Variants in RIN2 observed in about 807,000 individuals in gnomAD.
RIN2 encodes the protein RAB5 interacting protein 2.
A neutral mutation model predicts 78.0 loss-of-function variants in RIN2; 36 were observed. That is an observed-to-expected ratio of 0.46 (90% CI 0.35 to 0.61). The LOEUF (loss-of-function observed/expected upper bound fraction) is 0.61, where lower values mean the gene tolerates loss of function less well. Among genes scored for constraint, RIN2 ranks in the 20% least tolerant of loss-of-function variants. The pLI is 0.00. For synonymous variants in RIN2, 466 were observed against 466.8 expected (o/e 1.00, Z 0.02); for missense variants, 1,087 against 1,159.7 (o/e 0.94, Z 0.91).
intron 1 of RIN2, among the ~76,000 whole-genome samples, chr20:19,798,009 G>A (rs1012469755): frequency 1.1e-4 from 16 of 151,840 alleles, no homozygotes; most frequent in Non-Finnish European, 1.8e-4. Context: ...CTGCCACCAC[G>A]CCCGGCTAAT....
intron 4 of RIN2, among the ~76,000 whole-genome samples, chr20:19,955,474 C>A (rs1306300770): frequency 6.6e-6 from 1 of 152,078 alleles, no homozygotes; most frequent in African/African-American, 2.4e-5. Context: ...GTAGCTGGGA[C>A]TACAGGTGCG....
At chr20:19,855,386 C>T (rs955112528) in intron 2 of RIN2, among the ~76,000 whole-genome samples, 19 of 152,134 alleles carry the variant, frequency 1.2e-4, no homozygotes. Context: ...CAGGATGATG[C>T]TGGCCTCATA....
chr20:19,957,145 G>C (rs746558200), intron 5 of RIN2, among the ~76,000 whole-genome samples: 1 of 152,162 alleles, frequency 6.6e-6, no homozygotes, highest in Non-Finnish European at 1.5e-5. Context: ...TGAGATCCTT[G>C]GTGGCCTCTG....
chr20:19,877,070 C>T (rs895119169), intron 2 of RIN2, among the ~76,000 whole-genome samples: 1 of 152,156 alleles, frequency 6.6e-6, no homozygotes, highest in Non-Finnish European at 1.5e-5. Flanking sequence ...AAAGCACTTA[C>T]AGCCTTCTGG....
At chr20:19,950,907 T>G (rs1399694667) in intron 4 of RIN2, among the ~76,000 whole-genome samples, 1 of 150,044 alleles carries the variant, frequency 6.7e-6, no homozygotes, top group Admixed American at 6.7e-5. Context: ...TTTCTTTTTT[T>G]GGGACAGAGT....
At chr20:19,832,414 C>T (rs1441197837) in intron 2 of RIN2, among the ~76,000 whole-genome samples, 1 of 150,036 alleles carries the variant, frequency 6.7e-6, no homozygotes. Flanking sequence ...TCTTGCTCCC[C>T]ACTGTCCCTC....
rs755976812 is a variant in RIN2 at position 19,889,624 on chromosome 20, C to A, written c.23C>A (p.Ala8Asp). The change falls in exon 3 of 13, where the codon GCC (alanine) becomes GAC (aspartate). Residue 8 changes from alanine (A) to aspartate (D), a missense_variant. Ala to Asp is a moderately radical substitution (Grantham distance 126, BLOSUM62 -2). Around this residue, in one of 8 missense-constraint regions of RIN2, gnomAD observed 706 missense variants for 667.5 expected, o/e 1.06. Coordinates refer to ENST00000255006, the MANE Select transcript of RIN2 (RefSeq NM_018993.4). ...GAAATGACAGCTTGGACCATGGGCG[C>A]CCGCGGTCTGGACAAGCGAGGAAGT... MTAWTMG[A>D]RGLDKRGSFF... 1.3e-6 allele frequency: 2 copies of A among 1,548,854 alleles called. No homozygotes were observed. Among genetic ancestry groups the A allele is most frequent in the African/African-American group, 1.4e-5 (1 of 73,188 alleles).
intron 3 of RIN2, among the ~76,000 whole-genome samples, chr20:19,893,401 A>T (rs897942264): frequency 1.3e-5 from 2 of 152,150 alleles, no homozygotes; most frequent in African/African-American, 4.8e-5. Context: ...TGCTCACGTG[A>T]CTTTGTGTAA....
chr20:19,869,081 CAAAAAAAAAA>C (rs11413677), intron 2 of RIN2, among the ~76,000 whole-genome samples: 5 of 76,304 alleles, frequency 6.6e-5, no homozygotes, highest in South Asian at 1.1e-3. Context: ...GACTCCGTCT[CAAAAAAAAAA>C]AAAAAAAAAA....
intron 2 of RIN2, among the ~76,000 whole-genome samples, chr20:19,846,818 C>T (rs1212449175): frequency 1.3e-5 from 2 of 152,156 alleles, no homozygotes; most frequent in Non-Finnish European, 2.9e-5. Context: ...GGAATGCTTC[C>T]AGTTTTTGCC....
At chr20:19,899,442 T>C (rs1196556394) in intron 3 of RIN2, among the ~76,000 whole-genome samples, 1 of 152,264 alleles carries the variant, frequency 6.6e-6, no homozygotes, top group African/African-American at 2.4e-5. Flanking sequence ...AATCTGAAGC[T>C]GTACTATCTA....
intron 2 of RIN2, among the ~76,000 whole-genome samples, chr20:19,869,829 T>TTTATTTAC (rs2037633088): frequency 6.6e-6 from 1 of 151,172 alleles, no homozygotes; most frequent in African/African-American, 2.4e-5. Context: ...TATTTATTTA[T>TTTATTTAC]TTATTGTAGA....
intron 2 of RIN2, among the ~76,000 whole-genome samples, chr20:19,806,932 A>C (rs1255879357): frequency 2.6e-5 from 4 of 152,198 alleles, no homozygotes; most frequent in Non-Finnish European, 4.4e-5. Flanking sequence ...ATGCAAACAG[A>C]GGTTAGCTGG....
chr20:19,799,250 A>G (rs192891454), intron 1 of RIN2, among the ~76,000 whole-genome samples: 358 of 152,310 alleles, frequency 2.4e-3, no homozygotes, highest in African/African-American at 8.0e-3. Context: ...ATCCTAGACT[A>G]GAAGATTTCG....
intron 9 of RIN2, among the ~76,000 whole-genome samples, chr20:19,985,178 T>C (rs2042585723): frequency 6.6e-6 from 1 of 152,358 alleles, no homozygotes; most frequent in South Asian, 2.1e-4. Context: ...GGTCTTGTGA[T>C]GTTTCCTTGT....
chr20:19,965,371 CACAT>C (rs1426716457), intron 7 of RIN2, among the ~76,000 whole-genome samples: 2 of 152,132 alleles, frequency 1.3e-5, no homozygotes, highest in African/African-American at 4.8e-5. Context: ...CACATGCACA[CACAT>C]ACATGCGCAC....
At chr20:19,854,827 C>A (rs2037113441) in intron 2 of RIN2, among the ~76,000 whole-genome samples, 1 of 152,206 alleles carries the variant, frequency 6.6e-6, no homozygotes, top group Non-Finnish European at 1.5e-5. Flanking sequence ...CATCTGCAAA[C>A]AGGGACAATT....
rs538965593 is a variant in RIN2 at position 19,769,171 on chromosome 20, C to T, written c.-163+10844C>T. Among the ~76,000 whole-genome samples the T allele has an allele frequency of 2.6e-5, 4 of 152,076 alleles. No homozygotes were observed. In the South Asian group the frequency reaches 8.4e-4, roughly 32 times the overall value. On this transcript the variant is annotated intron_variant, in intron 1 of 12. Coordinates refer to ENST00000255006, the MANE Select transcript of RIN2 (RefSeq NM_018993.4). ...TCCTGACCTCAGGTGATCCACGCGC[C>T]TTGGCCACGCGCCTTGGCCTCCCAA...
intron 9 of RIN2, among the ~76,000 whole-genome samples, chr20:19,976,337 C>A (rs2042278616): frequency 6.6e-6 from 1 of 152,170 alleles, no homozygotes; most frequent in Admixed American, 6.5e-5. Flanking sequence ...GGACCCCGGG[C>A]CCCCTGTTCT....
Sources: allele counts gnomAD v4.1 joint callset (sites outside exome capture counted in the v4.1 genomes callset), GRCh38; gene constraint gnomAD v4.1.1; regional missense constraint gnomAD v4.1.1; transcripts MANE v1.5; gene names NCBI Gene and HGNC (gene_info 2026-07-23, HGNC 2026-07-21).